RGSL1: variants seen among roughly 807,000 people sequenced by gnomAD.
The protein encoded by RGSL1 is regulator of G protein signaling protein-like.
RGSL1 carries 97 observed loss-of-function variants against 124.7 expected under a neutral mutation model. The observed-to-expected ratio is 0.78, with a 90% CI of 0.66 to 0.92. RGSL1 has a LOEUF of 0.92. Among genes scored for constraint, RGSL1 ranks in the 40% least tolerant of loss-of-function variants. The probability of loss-of-function intolerance (pLI) is 0.00; values close to 1 mark genes in which losing one functional copy is unlikely to be tolerated. For synonymous variants in RGSL1, 424 were observed against 438.1 expected (o/e 0.97, Z 0.40); for missense variants, 1,233 against 1,288.4 (o/e 0.96, Z 0.66).
intron 9 of RGSL1, among the ~76,000 whole-genome samples, chr1:182,500,899 AT>A (rs1193651463): frequency 4.6e-5 from 7 of 152,126 alleles, no homozygotes; most frequent in African/African-American, 1.7e-4. Context: ...ATTCTTTAGA[AT>A]TTTCTGTACA....
chr1:182,530,565 ATTT>A (rs1659100801), intron 12 of RGSL1, among the ~76,000 whole-genome samples: 1 of 151,222 alleles, frequency 6.6e-6, no homozygotes, highest in Non-Finnish European at 1.5e-5. Context: ...ACACACACAC[ATTT>A]CTGTTTGTTT....
chr1:182,454,586 A>G (rs1022612143), intron 2 of RGSL1, among the ~76,000 whole-genome samples: 68 of 144,610 alleles, frequency 4.7e-4, no homozygotes, highest in South Asian at 1.8e-3. Flanking sequence ...CTTGAGTTGT[A>G]TGTGTGTGTG....
intron 10 of RGSL1, among the ~76,000 whole-genome samples, chr1:182,526,887 C>G (rs1470614699): frequency 1.3e-5 from 2 of 152,016 alleles, no homozygotes. Context: ...TAACATTATA[C>G]TTAATGAAAT....
chr1:182,526,165 T>C (rs1489317189), intron 10 of RGSL1, among the ~76,000 whole-genome samples: 1 of 152,146 alleles, frequency 6.6e-6, no homozygotes, highest in Non-Finnish European at 1.5e-5. Context: ...ATTTAAAGGA[T>C]AAATAATGTC....
intron 2 of RGSL1, among the ~76,000 whole-genome samples, chr1:182,454,860 T>C (rs1365738611): frequency 1.3e-5 from 2 of 152,186 alleles, no homozygotes; most frequent in East Asian, 3.8e-4. Flanking sequence ...TGGTGACATT[T>C]TAACACTGGT....
chr1:182,484,370 GGTATTGGT>G (rs1654932639), intron 6 of RGSL1, among the ~76,000 whole-genome samples: 1 of 152,108 alleles, frequency 6.6e-6, no homozygotes, highest in African/African-American at 2.4e-5. Context: ...ACTCAGCTTA[GGTATTGGT>G]GTATGTGACC....
At chr1:182,457,585 G>A (rs1212744888) in intron 2 of RGSL1, among the ~76,000 whole-genome samples, 1 of 152,206 alleles carries the variant, frequency 6.6e-6, no homozygotes, top group Non-Finnish European at 1.5e-5. Context: ...TTCATCTAGG[G>A]GAGATGGTCA....
At chr1:182,517,281 T>G (rs1215307574) in intron 9 of RGSL1, among the ~76,000 whole-genome samples, 1 of 38,248 alleles carries the variant, frequency 2.6e-5, no homozygotes, top group African/African-American at 1.0e-4. Context: ...TTTCTATTTC[T>G]GTTTTTTTTT....
At chr1:182,484,334 A>C (rs150613520) in intron 6 of RGSL1, among the ~76,000 whole-genome samples, 1 of 152,132 alleles carries the variant, frequency 6.6e-6, no homozygotes, top group Non-Finnish European at 1.5e-5. Context: ...TAGCCCAGGC[A>C]CTATTTCCCT....
At chr1:182,464,142 T>G (rs1332265557) in intron 4 of RGSL1, among the ~76,000 whole-genome samples, 1 of 152,076 alleles carries the variant, frequency 6.6e-6, no homozygotes, top group Non-Finnish European at 1.5e-5. Flanking sequence ...AGAAAATACT[T>G]ACAGATAAAT....
chr1:182,551,158 G>A lies in RGSL1; in HGVS notation c.2992G>A (p.Asp998Asn). Residue 998 changes from aspartate to asparagine, a missense_variant, in exon 18 of 22, where the codon GAC becomes AAC. Asp to Asn is a conservative substitution (Grantham distance 23). Transcript: ENST00000294854. ...YLQYRGKKFK[D>N]RKSPPKSTDK... ...ACAGTATAGGGGGAAGAAGTTCAAG[G>A]ACAGAAAAAGCCCTCCTAAATCTAC... is the stretch of plus-strand genomic sequence containing the variant. 1 of 1,551,692 alleles carries A rather than the reference G, an allele frequency of 6.4e-7. No individual in the cohort carries two copies. The highest frequency in any genetic ancestry group is 8.7e-7 in the Non-Finnish European group (1 of 1,146,978).
intron 9 of RGSL1, among the ~76,000 whole-genome samples, chr1:182,521,332 A>G (rs1658321281): frequency 6.6e-6 from 1 of 152,204 alleles, no homozygotes; most frequent in Non-Finnish European, 1.5e-5. Context: ...TGGCTTCCCA[A>G]AATGCTGGGA....
intron 18 of RGSL1, among the ~76,000 whole-genome samples, chr1:182,552,175 G>T (rs189132305): frequency 6.6e-6 from 1 of 151,684 alleles, no homozygotes; most frequent in Non-Finnish European, 1.5e-5. Flanking sequence ...GTGCAGGGGC[G>T]CAATCTCGGC....
At chr1:182,450,557 G>T in intron 1 of RGSL1, 1 of 262,056 alleles carries the variant, frequency 3.8e-6, no homozygotes, top group Non-Finnish European at 7.6e-6. Context: ...AAATTATTAG[G>T]AAGTTTGAAG....
At chr1:182,495,428 T>C (rs540065844) in intron 9 of RGSL1, among the ~76,000 whole-genome samples, 1 of 152,320 alleles carries the variant, frequency 6.6e-6, no homozygotes, top group South Asian at 2.1e-4. Flanking sequence ...TTTTTTCTCA[T>C]AGATCCATCC....
intron 9 of RGSL1, among the ~76,000 whole-genome samples, chr1:182,511,133 A>C (rs1201575047): frequency 1.3e-5 from 2 of 152,124 alleles, no homozygotes; most frequent in Non-Finnish European, 2.9e-5. Flanking sequence ...ATAGAGGTCT[A>C]GTTTCATTCT....
At chr1:182,505,025 C>T (rs563988) in intron 9 of RGSL1, among the ~76,000 whole-genome samples, 127,552 of 152,108 alleles carry the variant, frequency 0.84, 53,780 homozygotes, top group Non-Finnish European at 0.87. Context: ...GCTTTGAAAA[C>T]CCTTATTACC....
At chr1:182,451,283 G>A (rs554881265) in intron 1 of RGSL1, among the ~76,000 whole-genome samples, 180 of 127,618 alleles carry the variant, frequency 1.4e-3, no homozygotes, top group African/African-American at 4.4e-3. Context: ...CCTCTCACAC[G>A]CTCAGTCTGA....
chr1:182,530,154 C>G lies in RGSL1; in HGVS notation c.2126-90C>G. On this transcript the variant is annotated intron_variant, in intron 11 of 21. Transcript: ENST00000294854. ...GATTGAAAATGGGGGCTGTGAGACT[C>G]TAAGATAAAAAAAAAAAACAAAAAA... 4 of 929,818 alleles carry G rather than the reference C, an allele frequency of 4.3e-6. No individual in the cohort carries two copies. The South Asian group carries it at 6.7e-5, about 16-fold the overall frequency. 57.6% of individuals were successfully genotyped at this position (929,818 alleles called of 1,614,324 possible).
Sources: allele counts gnomAD v4.1 joint callset (sites outside exome capture counted in the v4.1 genomes callset), GRCh38; gene constraint gnomAD v4.1.1; transcripts MANE v1.5; gene names NCBI Gene and HGNC (gene_info 2026-07-23, HGNC 2026-07-21).